LRRC28: variants seen among roughly 807,000 people sequenced by gnomAD.
LRRC28 encodes the protein leucine rich repeat containing 28.
LRRC28 carries 39 observed loss-of-function variants against 45.7 expected under a neutral mutation model. That is an observed-to-expected ratio of 0.85 (90% CI 0.66 to 1.12). The LOEUF is 1.12. Among genes scored for constraint, LRRC28 ranks in the 50% most tolerant of loss-of-function variants. The pLI is 0.00. For missense variants in LRRC28, 435 were observed against 438.5 expected (o/e 0.99, Z 0.07); for synonymous variants, 206 against 178.8 (o/e 1.15, Z -1.22).
intron 5 of LRRC28, among the ~76,000 whole-genome samples, chr15:99,310,671 A>G (rs895068936): frequency 6.6e-6 from 1 of 152,232 alleles, no homozygotes; most frequent in Non-Finnish European, 1.5e-5. Flanking sequence ...TAAGACAAAA[A>G]TCCGTGTAAG....
intron 6 of LRRC28, among the ~76,000 whole-genome samples, chr15:99,346,795 A>G (rs185713238): frequency 3.3e-5 from 5 of 152,324 alleles, no homozygotes; most frequent in Non-Finnish European, 7.4e-5. Flanking sequence ...TATTAAAAAA[A>G]TAAATAAAAA....
Position 99,356,851 on chromosome 15 carries a change from A to C in LRRC28, c.695+4380A>C, listed in dbSNP as rs1054639925. Among the ~76,000 whole-genome samples the C allele has an allele frequency of 1.6e-4, 24 of 152,222 alleles. 1 individual carries two copies. Among genetic ancestry groups the C allele is most frequent in the Non-Finnish European group, 7.4e-5 (5 of 68,026 alleles). On this transcript the variant is annotated intron_variant, in intron 7 of 9. Transcript: ENST00000301981. ...AATTCAAAAAGATTGTTAATTTCTC[A>C]TCAGAAACTTTGAAGTCCAGAAAAC...
intron 3 of LRRC28, among the ~76,000 whole-genome samples, chr15:99,285,963 C>T (rs2081947648): frequency 6.6e-6 from 1 of 152,080 alleles, no homozygotes; most frequent in Admixed American, 6.5e-5. Flanking sequence ...GGTTAGTTAA[C>T]CTTCTACAAA....
rs560920631 is a variant in LRRC28 at position 99,303,259 on chromosome 15, G to A, written c.385+15308G>A. On this transcript the variant is annotated intron_variant, in intron 5 of 9. Transcript: ENST00000301981. Reference sequence around the variant, plus strand: ...AACTAAAGATTAAGCACCTTTTCATGTGTCTATTTGCCATCTCTTTGGCAA... The same window carrying A: ...AACTAAAGATTAAGCACCTTTTCATATGTCTATTTGCCATCTCTTTGGCAA... Among the ~76,000 whole-genome samples, 93 of 152,182 alleles carry A rather than the reference G, an allele frequency of 6.1e-4. 1 individual carries two copies. The South Asian group carries it at 0.014, about 23-fold the overall frequency.
At chr15:99,258,224 A>G in intron 2 of LRRC28, 1 of 1,604,024 alleles carries the variant, frequency 6.2e-7, no homozygotes. Context: ...TTTCTATTCC[A>G]TCTTCCTTGT....
At chr15:99,354,930 T>C (rs917024790) in intron 7 of LRRC28, among the ~76,000 whole-genome samples, 4 of 152,188 alleles carry the variant, frequency 2.6e-5, no homozygotes, top group Non-Finnish European at 4.4e-5. Flanking sequence ...GAGCAACAAC[T>C]GAGCAAAATG....
intron 5 of LRRC28, among the ~76,000 whole-genome samples, chr15:99,325,148 CT>C (rs1288695361): frequency 6.6e-6 from 1 of 152,004 alleles, no homozygotes; most frequent in Non-Finnish European, 1.5e-5. Flanking sequence ...TTTTGTACTA[CT>C]TTTGTTCAGT....
chr15:99,375,561 T>C (rs1280205620), intron 9 of LRRC28, among the ~76,000 whole-genome samples: 1 of 152,216 alleles, frequency 6.6e-6, no homozygotes, highest in Admixed American at 6.5e-5. Flanking sequence ...TTTATCTTTT[T>C]ACTCTTTGTT....
At chr15:99,382,970 A>G (rs1957874457) in intron 9 of LRRC28, among the ~76,000 whole-genome samples, 1 of 152,108 alleles carries the variant, frequency 6.6e-6, no homozygotes. Context: ...TTATTGAGAT[A>G]ATTCACGTAT....
At chr15:99,264,393 G>C (rs2081280224) in intron 2 of LRRC28, among the ~76,000 whole-genome samples, 1 of 152,166 alleles carries the variant, frequency 6.6e-6, no homozygotes, top group South Asian at 2.1e-4. Flanking sequence ...GCGGGGAGTG[G>C]GGGGTGGAAC....
intron 6 of LRRC28, among the ~76,000 whole-genome samples, chr15:99,345,511 A>G (rs868631300): frequency 6.6e-6 from 1 of 152,062 alleles, no homozygotes; most frequent in African/African-American, 2.4e-5. Flanking sequence ...CCATATTTCA[A>G]TCGATTGTTT....
rs192764334 is a variant in LRRC28, at chr15:99,257,977, A to G, written c.168+1852A>G. 1.1e-3 allele frequency: 941 copies of G among 829,000 alleles called. 3 individuals carry two copies. The highest frequency in any genetic ancestry group is 1.8e-3 in the Non-Finnish European group (860 of 465,974). The allele number at this position is 829,000 out of a possible 1,614,324, so 51.4% of individuals were successfully genotyped here. A position where few individuals can be genotyped will look rare whatever the true frequency, so the allele number is the denominator to read the frequency against. ...CTTTAGTTAAGATAAGGCTGATATCACTGACTAATGAAAATGCTCTTTCTG... is the reference window on the plus strand; with the variant it reads ...CTTTAGTTAAGATAAGGCTGATATCGCTGACTAATGAAAATGCTCTTTCTG... On this transcript the variant is annotated intron_variant, in intron 2 of 9. Coordinates refer to ENST00000301981, the MANE Select transcript of LRRC28 (RefSeq NM_144598.5).
At chr15:99,292,845 A>G (rs941098714) in intron 5 of LRRC28, among the ~76,000 whole-genome samples, 2 of 152,004 alleles carry the variant, frequency 1.3e-5, no homozygotes, top group African/African-American at 4.8e-5. Context: ...TGTGCTTCTC[A>G]CTCTGGAGTT....
At chr15:99,281,211 T>C (rs915081806) in intron 3 of LRRC28, among the ~76,000 whole-genome samples, 6 of 151,912 alleles carry the variant, frequency 3.9e-5, no homozygotes, top group Non-Finnish European at 8.8e-5. Flanking sequence ...AATTTTTTCA[T>C]AGACATGGGG....
intron 9 of LRRC28, among the ~76,000 whole-genome samples, chr15:99,379,150 G>C (rs1243889125): frequency 6.6e-6 from 1 of 152,170 alleles, no homozygotes; most frequent in Admixed American, 6.5e-5. Context: ...GAATTCAGCT[G>C]TGAATTTGTC....
At chr15:99,367,927 T>C (rs912232278) in intron 9 of LRRC28, among the ~76,000 whole-genome samples, 3 of 152,154 alleles carry the variant, frequency 2.0e-5, no homozygotes, top group Non-Finnish European at 4.4e-5. Flanking sequence ...TCTAATTGTG[T>C]CTTGGTCTTT....
At chr15:99,312,296 TATAAC>T (rs1336211553) in intron 5 of LRRC28, among the ~76,000 whole-genome samples, 1 of 152,180 alleles carries the variant, frequency 6.6e-6, no homozygotes. Context: ...TATAGGCAAT[TATAAC>T]ACAATGTGAC....
chr15:99,294,568 C>G (rs1019453538), intron 5 of LRRC28, among the ~76,000 whole-genome samples: 3 of 152,126 alleles, frequency 2.0e-5, no homozygotes, highest in Non-Finnish European at 4.4e-5. Context: ...GATCAAGGTG[C>G]CAGCAGATCT....
intron 5 of LRRC28, among the ~76,000 whole-genome samples, chr15:99,329,708 G>T (rs1302946883): frequency 2.0e-5 from 3 of 152,144 alleles, no homozygotes; most frequent in East Asian, 3.8e-4. Context: ...TCGCTCTTTG[G>T]ATATGGATAA....
Sources: allele counts gnomAD v4.1 joint callset (sites outside exome capture counted in the v4.1 genomes callset), GRCh38; gene constraint gnomAD v4.1.1; transcripts MANE v1.5; gene names NCBI Gene and HGNC (gene_info 2026-07-23, HGNC 2026-07-21).